CFAP54: variants seen among roughly 807,000 people sequenced by gnomAD.
CFAP54 encodes cilia and flagella associated protein 54, also known as cilia- and flagella-associated protein 54.
Under a neutral mutation model 370.4 loss-of-function variants are expected in CFAP54, and 290 were observed. The ratio of observed to expected loss-of-function variants is 0.78; its 90% CI spans 0.71 to 0.86. The LOEUF (loss-of-function observed/expected upper bound fraction) is 0.86. Ranked by LOEUF, CFAP54 falls within the 40% of genes least tolerant of loss-of-function variation. The pLI, the probability that CFAP54 is intolerant of heterozygous loss-of-function variation, is 0.00. For missense variants in CFAP54, 3,399 were observed against 3,528.7 expected (o/e 0.96, Z 0.93); for synonymous variants, 1,206 against 1,236.5 (o/e 0.98, Z 0.52).
chr12:96,573,502 T>C (rs1193217082), intron 19 of CFAP54, among the ~76,000 whole-genome samples: 4 of 152,156 alleles, frequency 2.6e-5, no homozygotes, highest in Admixed American at 2.6e-4. Context: ...CTCTGTTGTC[T>C]ATGGAAGAGG....
At chr12:96,697,093 C>A (rs1450724751) in intron 45 of CFAP54, among the ~76,000 whole-genome samples, 1 of 152,142 alleles carries the variant, frequency 6.6e-6, no homozygotes, top group Non-Finnish European at 1.5e-5. Context: ...AGAAAGGGTA[C>A]CAATGATCCT....
intron 26 of CFAP54, among the ~76,000 whole-genome samples, chr12:96,612,450 AC>A (rs1260731783): frequency 6.6e-6 from 1 of 152,234 alleles, no homozygotes; most frequent in Non-Finnish European, 1.5e-5. Context: ...AATTGTAAAG[AC>A]CATCGATGCT....
At chr12:96,575,067 G>A (rs1266165951) in intron 19 of CFAP54, among the ~76,000 whole-genome samples, 1 of 151,986 alleles carries the variant, frequency 6.6e-6, no homozygotes, top group Non-Finnish European at 1.5e-5. Context: ...CTGTGTTTAG[G>A]TTCCTGCTTT....
chr12:96,824,368 G>A (rs944175891), intron 65 of CFAP54, among the ~76,000 whole-genome samples: 2 of 152,142 alleles, frequency 1.3e-5, no homozygotes, highest in Admixed American at 1.3e-4. Context: ...AGGGCAAGGC[G>A]TTTTTCAGGT....
At chr12:96,868,896 C>A (rs1050175837) in intron 67 of CFAP54, among the ~76,000 whole-genome samples, 1 of 152,098 alleles carries the variant, frequency 6.6e-6, no homozygotes, top group South Asian at 2.1e-4. Flanking sequence ...AAGGGAAAAA[C>A]GGACTACATA....
At chr12:96,664,518 T>C (rs574164724) in intron 39 of CFAP54, among the ~76,000 whole-genome samples, 1 of 151,894 alleles carries the variant, frequency 6.6e-6, no homozygotes, top group South Asian at 2.1e-4. Flanking sequence ...ACATTTTCTT[T>C]ATCCAGTCTA....
chr12:96,869,871 G>T (rs1412421237), intron 67 of CFAP54, among the ~76,000 whole-genome samples: 1 of 148,978 alleles, frequency 6.7e-6, no homozygotes, highest in Non-Finnish European at 1.5e-5. Flanking sequence ...GGAGGCAGAG[G>T]TTGCAGAGAG....
chr12:96,570,161 A>ATGC (rs1955900721), intron 19 of CFAP54, among the ~76,000 whole-genome samples: 3 of 151,816 alleles, frequency 2.0e-5, no homozygotes, highest in Admixed American at 2.0e-4. Context: ...TTTTGTAAAG[A>ATGC]TGCGGTTTTG....
intron 6 of CFAP54, among the ~76,000 whole-genome samples, chr12:96,521,512 G>A (rs1955315065): frequency 2.5e-5 from 2 of 79,090 alleles, no homozygotes; most frequent in South Asian, 3.7e-4. Flanking sequence ...ACGTGTGTGT[G>A]TGTGTGTGTG....
intron 42 of CFAP54, among the ~76,000 whole-genome samples, chr12:96,687,730 G>GCACA (rs368946451): frequency 6.6e-6 from 1 of 151,670 alleles, no homozygotes; most frequent in Non-Finnish European, 1.5e-5. Context: ...ACACACACAC[G>GCACA]CACACACACA....
intron 1 of CFAP54, among the ~76,000 whole-genome samples, 188 bp from the exon 2 acceptor site, chr12:96,500,646 A>G (rs1051186290): frequency 5.3e-5 from 8 of 152,238 alleles, no homozygotes; most frequent in African/African-American, 1.9e-4. Flanking sequence ...AAAGGGCTGC[A>G]ATCAATGCTT....
chr12:96,489,580 C>A lies in CFAP54; in HGVS notation c.-30C>A. ...CCGTCGCCAGGCAACCGCGTGTACA[C>A]ATACTCCAGGCGGGCCGGGGCGCGT... On this transcript the variant is annotated 5_prime_UTR_variant, in exon 1 of 68. Coordinates refer to ENST00000524981, the MANE Select transcript of CFAP54 (RefSeq NM_001306084.2). The A allele has an allele frequency of 1.3e-6, 2 of 1,488,088 alleles. No homozygotes were observed. The highest frequency in any genetic ancestry group is 1.8e-6 in the Non-Finnish European group (2 of 1,119,476). The allele number at this position is 1,488,088 out of a possible 1,614,324, so 92.2% of individuals were successfully genotyped here.
At chr12:96,862,199 G>A (rs1592818986) in intron 67 of CFAP54, among the ~76,000 whole-genome samples, 1 of 150,838 alleles carries the variant, frequency 6.6e-6, no homozygotes, top group African/African-American at 2.5e-5. Flanking sequence ...TAGAATATAT[G>A]TAGAGGAAAC....
chr12:96,577,532 T>C (rs1955990338), intron 20 of CFAP54, among the ~76,000 whole-genome samples: 1 of 152,144 alleles, frequency 6.6e-6, no homozygotes, highest in African/African-American at 2.4e-5. Context: ...GTCAACTTGG[T>C]ATAGTAGAGA....
chr12:96,549,216 T>C (rs759321266), intron 15 of CFAP54, among the ~76,000 whole-genome samples: 4 of 152,140 alleles, frequency 2.6e-5, no homozygotes, highest in Admixed American at 6.6e-5. Flanking sequence ...CTAGCACTTA[T>C]TCTCTGAGGC....
chr12:96,774,746 C>A (rs1053310133), intron 60 of CFAP54, among the ~76,000 whole-genome samples: 3 of 152,038 alleles, frequency 2.0e-5, no homozygotes, highest in Non-Finnish European at 4.4e-5. Context: ...ATATTATATG[C>A]CCTTTATATT....
chr12:96,745,077 T>C (rs1958098397), intron 55 of CFAP54, among the ~76,000 whole-genome samples: 1 of 152,226 alleles, frequency 6.6e-6, no homozygotes, highest in Admixed American at 6.5e-5. Context: ...ATTTTCTTTA[T>C]CCAGTCTATC....
At chr12:96,657,820 CA>C in intron 36 of CFAP54, 61 bp from the exon 37 acceptor site, 1 of 1,173,920 alleles carries the variant, frequency 8.5e-7, no homozygotes, top group Middle Eastern at 2.5e-4. Flanking sequence ...ATTCAGTTTT[CA>C]GAAAAAATAT....
chr12:96,737,624 G>A (rs1399641938), intron 50 of CFAP54, among the ~76,000 whole-genome samples: 1 of 151,504 alleles, frequency 6.6e-6, no homozygotes, highest in African/African-American at 2.4e-5. Flanking sequence ...TGAGTAGCTG[G>A]GATTACAGGT....
Sources: allele counts gnomAD v4.1 joint callset (sites outside exome capture counted in the v4.1 genomes callset), GRCh38; gene constraint gnomAD v4.1.1; transcripts MANE v1.5; gene names NCBI Gene and HGNC (gene_info 2026-07-23, HGNC 2026-07-21).